CEP128: variants seen among roughly 807,000 people sequenced by gnomAD.
CEP128 encodes the protein centrosomal protein 128, also known as centrosomal protein 128kDa.
CEP128 carries 132 observed loss-of-function variants against 156.7 expected under a neutral mutation model. The observed-to-expected ratio is 0.84, with a 90% CI of 0.73 to 0.97. The LOEUF (loss-of-function observed/expected upper bound fraction) is 0.97. Among genes scored for constraint, CEP128 ranks in the 50% least tolerant of loss-of-function variants. The pLI is 0.00. For synonymous variants in CEP128, 469 were observed against 448.9 expected (o/e 1.04, Z -0.57); for missense variants, 1,252 against 1,281.9 (o/e 0.98, Z 0.36).
intron 19 of CEP128, among the ~76,000 whole-genome samples, chr14:80,612,811 A>G (rs1042227453): frequency 6.6e-6 from 1 of 152,056 alleles, no homozygotes; most frequent in Non-Finnish European, 1.5e-5. Flanking sequence ...AAAATCCATA[A>G]AGATCTCAGA....
At chr14:80,956,039 ATCAT>A in intron 2 of CEP128, 1 of 688,918 alleles carries the variant, frequency 1.5e-6, no homozygotes, top group Non-Finnish European at 2.5e-6. Context: ...TTGGGAAGGT[ATCAT>A]TGTTGACATC....
At position 80,899,920 on chromosome 14, in the gene CEP128, A is replaced by G. The variant is rs1461686283; in HGVS notation, c.572+18T>C. 1 of 1,570,452 alleles carries G rather than the reference A, an allele frequency of 6.4e-7. No homozygotes were observed. The highest frequency in any genetic ancestry group is 1.4e-5 in the African/African-American group (1 of 73,944). On this transcript the variant is annotated intron_variant, in intron 7 of 24. Coordinates refer to ENST00000555265, the MANE Select transcript of CEP128 (RefSeq NM_152446.5). Reference sequence around the variant, plus strand: ...CTCATAATTTATCCCTCCCATAAAAACCATAGGCTGCTTTTACCGGCTCCT... The same window carrying G: ...CTCATAATTTATCCCTCCCATAAAAGCCATAGGCTGCTTTTACCGGCTCCT...
At chr14:80,485,516 T>G (rs987212731), downstream of CEP128, among the ~76,000 whole-genome samples, 18 of 151,632 alleles carry the variant, frequency 1.2e-4, no homozygotes, top group Admixed American at 6.6e-4. Context: ...CATTGCTAAT[T>G]AGGAATTATG....
intron 19 of CEP128, among the ~76,000 whole-genome samples, chr14:80,614,761 G>A (rs1440881745): frequency 6.6e-6 from 1 of 152,098 alleles, no homozygotes; most frequent in Admixed American, 6.5e-5. Flanking sequence ...AATCCCTAGT[G>A]TACGATGACT....
At chr14:80,676,531 C>T (rs1357166295) in intron 19 of CEP128, among the ~76,000 whole-genome samples, 1 of 151,910 alleles carries the variant, frequency 6.6e-6, no homozygotes, top group African/African-American at 2.4e-5. Flanking sequence ...TAAATATCTT[C>T]ATCTTAGTTT....
intron 19 of CEP128, among the ~76,000 whole-genome samples, chr14:80,590,954 T>C (rs1892032940): frequency 6.6e-6 from 1 of 152,046 alleles, no homozygotes; most frequent in African/African-American, 2.4e-5. Flanking sequence ...GACAAACAAA[T>C]GCTGAGAGAT....
At position 80,531,111 on chromosome 14, in the gene CEP128, G is replaced by C. The variant is rs1423316155; in HGVS notation, c.2881-225C>G. The C allele has an allele frequency of 2.4e-5, 6 of 247,860 alleles. No individual in the cohort carries two copies. The East Asian group carries it at 2.9e-4, about 12-fold the overall frequency. The allele number at this position is 247,860 out of a possible 1,614,324, so 15.4% of individuals were successfully genotyped here. ...GTATATGAGATGCATTTGCAAGACT[G>C]ACTCAGATACAAAAATTCTTCCTGG... On this transcript the variant is annotated intron_variant, in intron 21 of 24. Coordinates refer to ENST00000555265, the MANE Select transcript of CEP128 (RefSeq NM_152446.5).
chr14:80,845,810 C>G (rs1191084281), intron 9 of CEP128, among the ~76,000 whole-genome samples: 1 of 152,084 alleles, frequency 6.6e-6, no homozygotes, highest in Non-Finnish European at 1.5e-5. Context: ...ACTATGCACT[C>G]AGTAGTTGCC....
intron 18 of CEP128, among the ~76,000 whole-genome samples, chr14:80,749,660 G>A (rs1899287822): frequency 6.6e-6 from 1 of 152,060 alleles, no homozygotes; most frequent in Non-Finnish European, 1.5e-5. Flanking sequence ...CAGTGCATAT[G>A]GTTAATGGGT....
chr14:80,744,355 A>G (rs1898988474), intron 18 of CEP128, among the ~76,000 whole-genome samples: 1 of 152,102 alleles, frequency 6.6e-6, no homozygotes, highest in Non-Finnish European at 1.5e-5. Context: ...TGAAGATAAA[A>G]CCTGTATCAA....
At chr14:80,561,966 C>T (rs562520765) in intron 20 of CEP128, among the ~76,000 whole-genome samples, 2 of 149,574 alleles carry the variant, frequency 1.3e-5, no homozygotes, top group Admixed American at 1.3e-4. Flanking sequence ...CTCACTCTGT[C>T]GCCCAGGCTG....
intron 19 of CEP128, among the ~76,000 whole-genome samples, chr14:80,591,327 T>C (rs1174869191): frequency 6.9e-6 from 1 of 145,444 alleles, no homozygotes; most frequent in East Asian, 2.0e-4. Flanking sequence ...ACCAAGCAAA[T>C]GGAAAGAAAA....
At chr14:80,943,596 G>A (rs7153324), upstream of CEP128, among the ~76,000 whole-genome samples, 9,707 of 152,134 alleles carry the variant, frequency 0.064, 1,021 homozygotes, top group African/African-American at 0.22. Flanking sequence ...AGATATTTTC[G>A]TTCATTTTGA....
At chr14:80,829,845 GA>G (rs1272239769) in intron 13 of CEP128, among the ~76,000 whole-genome samples, 11 of 152,186 alleles carry the variant, frequency 7.2e-5, no homozygotes, top group Non-Finnish European at 8.8e-5. Flanking sequence ...CAGGAATCTT[GA>G]ATAAGAGCAT....
chr14:80,659,515 G>GAA (rs1315471711), intron 19 of CEP128, among the ~76,000 whole-genome samples: 1 of 152,078 alleles, frequency 6.6e-6, no homozygotes, highest in East Asian at 1.9e-4. Flanking sequence ...CATCATTTAT[G>GAA]GCTTTCCTTC....
intron 8 of CEP128, among the ~76,000 whole-genome samples, chr14:80,868,456 T>C (rs139732318): frequency 1.6e-3 from 245 of 152,224 alleles, no homozygotes; most frequent in African/African-American, 5.7e-3. Flanking sequence ...TTACAAGACA[T>C]TTTATGTAAA....
intron 8 of CEP128, among the ~76,000 whole-genome samples, chr14:80,880,133 G>T (rs541026054): frequency 2.0e-4 from 30 of 152,098 alleles, no homozygotes; most frequent in Non-Finnish European, 3.5e-4. Context: ...TATACAACAT[G>T]ACCAGATAAG....
chr14:80,955,767 C>A lies in CEP128; in HGVS notation c.-172+2411G>T, dbSNP rs777166186. The A allele has an allele frequency of 8.1e-6, 13 of 1,614,066 alleles. No individual in the cohort carries two copies. Among genetic ancestry groups the A allele is most frequent in the Admixed American group, 1.7e-5 (1 of 60,002 alleles). On this transcript the variant is annotated intron_variant, in intron 2 of 7. Coordinates refer to the CEP128 transcript ENST00000555529. ...GAATGGGGTGTTCGTCTCCACCCTG[C>A]GAGTGCCATCAGGAGGAGGACTTCA...
chr14:80,577,141 A>G (rs1891394285), intron 20 of CEP128, among the ~76,000 whole-genome samples: 1 of 152,064 alleles, frequency 6.6e-6, no homozygotes, highest in African/African-American at 2.4e-5. Flanking sequence ...CCTTTGCAAG[A>G]TTTTCATCCT....
Sources: allele counts gnomAD v4.1 joint callset (sites outside exome capture counted in the v4.1 genomes callset), GRCh38; gene constraint gnomAD v4.1.1; transcripts MANE v1.5; gene names NCBI Gene and HGNC (gene_info 2026-07-23, HGNC 2026-07-21).